Variants in CD4 observed in about 807,000 individuals in gnomAD.
CD4 encodes the protein T-cell surface glycoprotein CD4.
A neutral mutation model predicts 50.5 loss-of-function variants in CD4; 25 were observed. That is an observed-to-expected ratio of 0.49 (90% CI 0.36 to 0.69). The LOEUF is 0.69. Among genes scored for constraint, CD4 ranks in the 30% least tolerant of loss-of-function variants. The pLI, the probability that CD4 is intolerant of heterozygous loss-of-function variation, is 0.00. For synonymous variants in CD4, 207 were observed against 221.9 expected (o/e 0.93, Z 0.60); for missense variants, 456 against 548.5 (o/e 0.83, Z 1.68).
chr12:6,817,482 C>T, intron 7 of CD4, 152 bp downstream of exon 7: 1 of 652,490 alleles, frequency 1.5e-6, no homozygotes, highest in Non-Finnish European at 2.6e-6. Flanking sequence ...TTGGAGGCCC[C>T]AAAAGGAGGC....
chr12:6,815,677 TG>T, intron 5 of CD4: 1 of 1,261,712 alleles, frequency 7.9e-7, no homozygotes, highest in South Asian at 1.2e-5. Context: ...GCACTGAAAA[TG>T]GTGCCTGGCA....
At chr12:6,810,102 C>G (rs1446541184) in intron 3 of CD4, among the ~76,000 whole-genome samples, 1 of 152,088 alleles carries the variant, frequency 6.6e-6, no homozygotes, top group African/African-American at 2.4e-5. Context: ...GTTGGCCAGG[C>G]TGGTCTTGAA....
intron 1 of CD4, chr12:6,798,923 C>T (rs1171025344): frequency 1.3e-5 from 2 of 152,284 alleles, no homozygotes; most frequent in East Asian, 3.8e-4. Context: ...CCAGTCCCAG[C>T]ATCTCAGCAC....
intron 1 of CD4, among the ~76,000 whole-genome samples, chr12:6,790,095 A>C (rs1385147498): frequency 6.6e-6 from 1 of 151,554 alleles, no homozygotes; most frequent in Non-Finnish European, 1.5e-5. Context: ...AGAATAAATA[A>C]ATATAAGGTG....
intron 1 of CD4, among the ~76,000 whole-genome samples, chr12:6,794,416 G>C (rs1377235585): frequency 6.7e-6 from 1 of 149,688 alleles, no homozygotes; most frequent in Non-Finnish European, 1.5e-5. Flanking sequence ...CTGTTGCCCA[G>C]GCTGGAGTGC....
intron 3 of CD4, among the ~76,000 whole-genome samples, chr12:6,806,458 A>G (rs1214265876): frequency 6.6e-6 from 1 of 152,104 alleles, no homozygotes; most frequent in Non-Finnish European, 1.5e-5. Context: ...TTGCCTGGGC[A>G]ACAGAGCGAG....
intron 3 of CD4, among the ~76,000 whole-genome samples, chr12:6,810,983 G>A (rs1455995576): frequency 1.3e-5 from 2 of 152,130 alleles, no homozygotes; most frequent in South Asian, 4.1e-4. Flanking sequence ...GAGGCTGTGA[G>A]GTTGTCTGGA....
intron 3 of CD4, among the ~76,000 whole-genome samples, chr12:6,813,265 C>T (rs1276066615): frequency 4.0e-5 from 6 of 150,718 alleles, no homozygotes; most frequent in East Asian, 1.9e-4. Flanking sequence ...CCATGTTGCC[C>T]AGGCTGATCT....
intron 1 of CD4, among the ~76,000 whole-genome samples, chr12:6,798,517 A>AAAC (rs1479882900): frequency 1.3e-5 from 2 of 152,294 alleles, no homozygotes; most frequent in Non-Finnish European, 2.9e-5. Flanking sequence ...TTGATTCAAT[A>AAAC]CAGGACATGT....
At chr12:6,805,873 T>C (rs1453507060) in intron 3 of CD4, among the ~76,000 whole-genome samples, 2 of 151,920 alleles carry the variant, frequency 1.3e-5, no homozygotes, top group Non-Finnish European at 2.9e-5. Context: ...GCCCAGGTGT[T>C]CACGACTGCA....
chr12:6,805,120 G>A (rs1942689345), intron 3 of CD4, among the ~76,000 whole-genome samples: 1 of 148,094 alleles, frequency 6.8e-6, no homozygotes. Flanking sequence ...AGGAGGGCAA[G>A]GCTGCAGTGA....
At chr12:6,812,116 T>C (rs1942956981) in intron 3 of CD4, among the ~76,000 whole-genome samples, 2 of 152,056 alleles carry the variant, frequency 1.3e-5, no homozygotes, top group Non-Finnish European at 2.9e-5. Flanking sequence ...AAAGGGCATA[T>C]AGGCTGGGTG....
intron 1 of CD4, among the ~76,000 whole-genome samples, chr12:6,791,445 G>A (rs1337496866): frequency 1.3e-5 from 2 of 152,176 alleles, no homozygotes; most frequent in African/African-American, 2.4e-5. Context: ...GTTTCACTAT[G>A]TTGGACAGGC....
chr12:6,800,599 C>T, intron 3 of CD4, 128 bp downstream of exon 3: 1 of 714,106 alleles, frequency 1.4e-6, no homozygotes, highest in Non-Finnish European at 2.3e-6. Context: ...AACTCAGTGG[C>T]ATTCTTATCC....
chr12:6,819,180 A>G (rs1555118634), intron 9 of CD4, 119 bp from the exon 10 acceptor site: 10 of 1,016,216 alleles, frequency 9.8e-6, no homozygotes. Flanking sequence ...GCAGGCCAGG[A>G]AAGGCCCTGC....
chr12:6,818,516 T>A lies in CD4; in HGVS notation c.1252T>A (p.Phe418Ile). The A allele has an allele frequency of 6.2e-7, 1 of 1,613,096 alleles. No individual in the cohort carries two copies. Residue 418 changes from phenylalanine (F) to isoleucine (I), a missense_variant, in exon 8 of 10, where the codon TTC becomes ATC. Phe to Ile is a conservative substitution (Grantham distance 21, BLOSUM62 0). Coordinates refer to ENST00000011653, the MANE Select transcript of CD4 (RefSeq NM_000616.5). The surrounding 1 kb of genome is among the most constrained non-coding windows in gnomAD (Gnocchi z 5.0). Reference sequence around the variant, plus strand: ...GCTTTTCATTGGGCTAGGCATCTTCTTCTGTGTCAGGTGCCGGCACCGAAG... The same window carrying A: ...GCTTTTCATTGGGCTAGGCATCTTCATCTGTGTCAGGTGCCGGCACCGAAG... ...LLLFIGLGIFFCVRCRHRRRQ... is the reference protein window; with the variant it reads ...LLLFIGLGIFICVRCRHRRRQ...
chr12:6,818,783 C>T lies in CD4; in HGVS notation c.1279-64C>T, dbSNP rs1943183287. Reference sequence around the variant, plus strand: ...GTCGCAGCTTCCCCCACTCCCCCCACCAAGGGGCACCTCCCTTCTGGAGGC... The same window carrying T: ...GTCGCAGCTTCCCCCACTCCCCCCATCAAGGGGCACCTCCCTTCTGGAGGC... On this transcript the variant is annotated intron_variant, in intron 8 of 9. Coordinates refer to ENST00000011653, the MANE Select transcript of CD4 (RefSeq NM_000616.5). The surrounding 1 kb of genome is among the most constrained non-coding windows in gnomAD (Gnocchi z 5.0). 6.8e-7 allele frequency: 1 copy of T among 1,468,532 alleles called. No homozygotes were observed. Among genetic ancestry groups the T allele is most frequent in the Non-Finnish European group, 9.5e-7 (1 of 1,047,556 alleles). The allele number at this position is 1,468,532 out of a possible 1,614,324, so 91.0% of individuals were successfully genotyped here. A position where few individuals can be genotyped will look rare whatever the true frequency, so the allele number is the denominator to read the frequency against.
chr12:6,794,336 G>A (rs1215106307), intron 1 of CD4, among the ~76,000 whole-genome samples: 7 of 150,120 alleles, frequency 4.7e-5, no homozygotes, highest in Non-Finnish European at 1.0e-4. Context: ...CAAAGTGCTG[G>A]GATTACAGGC....
At position 6,816,441 on chromosome 12, in the gene CD4, G is replaced by A. The variant is rs1943087384; in HGVS notation, c.955+38G>A. The A allele has an allele frequency of 2.0e-6, 3 of 1,518,478 alleles. No homozygotes were observed. The highest frequency in any genetic ancestry group is 1.4e-5 in the African/African-American group (1 of 73,062). 94.1% of individuals were successfully genotyped at this position (1,518,478 alleles called of 1,614,324 possible). A position where few individuals can be genotyped will look rare whatever the true frequency, so the allele number is the denominator to read the frequency against. On this transcript the variant is annotated intron_variant, in intron 6 of 9. Coordinates refer to ENST00000011653, the MANE Select transcript of CD4 (RefSeq NM_000616.5). The surrounding 1 kb of genome is among the most constrained non-coding windows in gnomAD (Gnocchi z 4.9). ...GCCAGGGAGGGGTGGGCAGGGGAAG[G>A]AGTTGGAGGGGCCTGGCCCAGGGCT...
Sources: gnomAD v4.1 joint callset for allele counts (sites outside exome capture counted in the v4.1 genomes callset) on GRCh38, gnomAD v4.1.1 for gene constraint, Gnocchi (gnomAD v3.1) non-coding constraint, MANE v1.5 for transcripts, NCBI Gene and HGNC (gene_info 2026-07-23, HGNC 2026-07-21) for gene names.